EVI2A: variants seen among roughly 807,000 people sequenced by gnomAD.
EVI2A encodes ecotropic viral integration site 2A, also known as protein EVI2A.
A neutral mutation model predicts 13.0 loss-of-function variants in EVI2A; 11 were observed. The observed-to-expected ratio is 0.85, with a 90% CI of 0.53 to 1.40. The LOEUF is 1.40. Ranked by LOEUF, EVI2A falls within the 40% of genes most tolerant of loss-of-function variation. The pLI is 0.00. For missense variants in EVI2A, 267 were observed against 279.5 expected (o/e 0.96, Z 0.32); for synonymous variants, 89 against 98.0 (o/e 0.91, Z 0.54).
intron 1 of EVI2A, chr17:31,320,516 A>G (rs1235379595): frequency 1.3e-5 from 15 of 1,180,940 alleles, no homozygotes; most frequent in East Asian, 4.7e-5. Flanking sequence ...TTTGTATACT[A>G]TTAAAATACA....
chr17:31,317,401 A>ACC lies in EVI2A; in HGVS notation c.*901_*902insGG, dbSNP rs2069050754. Among the ~76,000 whole-genome samples the ACC allele has an allele frequency of 1.3e-5, 2 of 149,428 alleles. No individual in the cohort carries two copies. The highest frequency in any genetic ancestry group is 2.1e-4 in the South Asian group (1 of 4,778). Reference sequence around the variant, plus strand: ...CACACACACACACACACACACACACACACCCCTAATAAATCATTAGGCTAC... The same window carrying ACC: ...CACACACACACACACACACACACACACCCACCCCTAATAAATCATTAGGCTAC... On this transcript the variant is annotated 3_prime_UTR_variant, in exon 2 of 2. Transcript: ENST00000462804.
chr17:31,318,162 C>T lies in EVI2A; in HGVS notation c.*141G>A. 1.0e-6 allele frequency: 1 copy of T among 997,740 alleles called. No individual in the cohort carries two copies. Among genetic ancestry groups the T allele is most frequent in the Non-Finnish European group, 1.5e-6 (1 of 687,856 alleles). The allele number at this position is 997,740 out of a possible 1,614,324, so 61.8% of individuals were successfully genotyped here. On this transcript the variant is annotated 3_prime_UTR_variant, in exon 2 of 2. Coordinates refer to ENST00000462804, the MANE Select transcript of EVI2A (RefSeq NM_014210.4). ...AATAATTAAGCAGGCATACTTCTCC[C>T]TGTCTCACCTGCTTGATTCTAAATT...
chr17:31,318,150 G>T lies in EVI2A; in HGVS notation c.*153C>A. The T allele has an allele frequency of 2.4e-6, 2 of 844,122 alleles. No individual in the cohort carries two copies. Among genetic ancestry groups the T allele is most frequent in the East Asian group, 2.6e-5 (1 of 38,844 alleles). The allele number at this position is 844,122 out of a possible 1,614,324, so 52.3% of individuals were successfully genotyped here. On this transcript the variant is annotated 3_prime_UTR_variant, in exon 2 of 2. Coordinates refer to ENST00000462804, the MANE Select transcript of EVI2A (RefSeq NM_014210.4). ...GTACACAGTTTAAATAATTAAGCAG[G>T]CATACTTCTCCCTGTCTCACCTGCT... is the stretch of plus-strand genomic sequence containing the variant.
Position 31,318,734 on chromosome 17 carries a change from G to A in EVI2A, c.280C>T (p.Leu94Phe), listed in dbSNP as rs2069095648. The change falls in exon 2 of 2, where the codon CTT (leucine) becomes TTT (phenylalanine). Residue 94 changes from leucine to phenylalanine, a missense_variant. Transcript: ENST00000462804. ...VALTSKSEQE[L>F]YIPSVVSNSP... ...TTGCTGACGACAGAAGGTATATAAA[G>A]CTCCTGTTCAGATTTAGAAGTTAAA... 1 of 1,613,988 alleles carries A rather than the reference G, an allele frequency of 6.2e-7. No individual in the cohort carries two copies. The highest frequency in any genetic ancestry group is 8.5e-7 in the Non-Finnish European group (1 of 1,179,928).
chr17:31,320,552 C>T (rs2151530219), intron 1 of EVI2A: 9 of 824,140 alleles, frequency 1.1e-5, no homozygotes, highest in African/African-American at 3.4e-5. Flanking sequence ...AAATGTGATA[C>T]GTTGAGTTAT....
In EVI2A at chr17:31,316,492, A is replaced by G. The variant is rs1350647555; in HGVS notation, c.*1811T>C. Among the ~76,000 whole-genome samples the G allele has an allele frequency of 6.6e-6, 1 of 152,170 alleles. No homozygotes were observed. The highest frequency in any genetic ancestry group is 1.9e-4 in the East Asian group (1 of 5,202). ...ATGTTTGACCAGTATGTTGAATATG[A>G]AAGTAATTTCCTATTTTTATGATGA... On this transcript the variant is annotated 3_prime_UTR_variant, in exon 2 of 2. Coordinates refer to ENST00000462804, the MANE Select transcript of EVI2A (RefSeq NM_014210.4).
intron 1 of EVI2A, among the ~76,000 whole-genome samples, chr17:31,319,550 A>T (rs2069123437): frequency 6.6e-6 from 1 of 152,142 alleles, no homozygotes; most frequent in South Asian, 2.1e-4. Context: ...CTGAACTTCA[A>T]ATAGAAATTC....
At chr17:31,319,420 C>T (rs7222606) in intron 1 of EVI2A, among the ~76,000 whole-genome samples, 2 of 151,674 alleles carry the variant, frequency 1.3e-5, no homozygotes, top group African/African-American at 4.8e-5. Flanking sequence ...ACTACCCACC[C>T]TCTAACCTGT....
intron 1 of EVI2A, chr17:31,320,433 G>A: frequency 6.2e-7 from 1 of 1,610,726 alleles, no homozygotes. Flanking sequence ...AAGCAACATG[G>A]ATGCCACTGC....
chr17:31,317,368 AACACACACACACACAC>A lies in EVI2A; in HGVS notation c.*919_*934del, dbSNP rs3138611. On this transcript the variant is annotated 3_prime_UTR_variant, in exon 2 of 2. Transcript: ENST00000462804. ...TGAAGTATGCAGTTTTCCAGATTTGAACACACACACACACACACACACACACACACACACACCCCTA... is the reference window on the plus strand; with the variant it reads ...TGAAGTATGCAGTTTTCCAGATTTGAACACACACACACACACACACCCCTA... 1.4e-5 allele frequency among the ~76,000 whole-genome samples: 2 copies of A among 144,562 alleles called. No individual in the cohort carries two copies. Among genetic ancestry groups the A allele is most frequent in the African/African-American group, 5.1e-5 (2 of 39,398 alleles). 94.8% of individuals were successfully genotyped at this position (144,562 alleles called of 152,430 possible). A position where few individuals can be genotyped will look rare whatever the true frequency, so the allele number is the denominator to read the frequency against.
Position 31,318,724 on chromosome 17 carries a change from G to A in EVI2A, c.290C>T (p.Pro97Leu), listed in dbSNP as rs758117081. 4 of 1,614,044 alleles carry A rather than the reference G, an allele frequency of 2.5e-6. No homozygotes were observed. In the South Asian group the frequency reaches 4.4e-5, roughly 18 times the overall value. Reference protein sequence around the residue: ...TSKSEQELYIPSVVSNSPSTV... With the variant: ...TSKSEQELYILSVVSNSPSTV... Reference sequence around the variant, plus strand: ...TGAAGGACTGTTGCTGACGACAGAAGGTATATAAAGCTCCTGTTCAGATTT... The same window carrying A: ...TGAAGGACTGTTGCTGACGACAGAAAGTATATAAAGCTCCTGTTCAGATTT... The change falls in exon 2 of 2, where the codon CCT becomes CTT. Residue 97 changes from proline to leucine, a missense_variant. By Grantham distance (98) the Pro-to-Leu change is moderately conservative (BLOSUM62 -3). Coordinates refer to ENST00000462804, the MANE Select transcript of EVI2A (RefSeq NM_014210.4).
rs144746834 is a variant in EVI2A, at chr17:31,318,976, T to C, written c.38A>G (p.His13Arg). ...TDMEHTGHYL[H>R]LAFLMTTVFS... ...AACTGTTGTCATCAGAAAGGCAAGA[T>C]GTAGGTAATGTCCTGTGTGTTCCAT... Residue 13 changes from histidine (H) to arginine (R), a missense_variant, in exon 2 of 2, where the codon CAT becomes CGT. Coordinates refer to ENST00000462804, the MANE Select transcript of EVI2A (RefSeq NM_014210.4). 1.6e-3 allele frequency: 2,550 copies of C among 1,612,420 alleles called. 2 individuals are homozygous for C. The highest frequency in any genetic ancestry group is 2.0e-3 in the Non-Finnish European group (2,381 of 1,179,826).
In EVI2A at chr17:31,317,876, T is replaced by C. The variant is rs1247379151; in HGVS notation, c.*427A>G. 1.2e-5 allele frequency: 2 copies of C among 167,192 alleles called. No homozygotes were observed. The highest frequency in any genetic ancestry group is 4.8e-5 in the African/African-American group (2 of 41,584). The allele number at this position is 167,192 out of a possible 1,614,324, so 10.4% of individuals were successfully genotyped here. ...TACACAGTTTAGCTCTCTCTATCTA[T>C]GCATTAGGAATTTGACTTCCATTTG... is the stretch of plus-strand genomic sequence containing the variant. On this transcript the variant is annotated 3_prime_UTR_variant, in exon 2 of 2. Transcript: ENST00000462804.
At chr17:31,320,245 T>C (rs2069145697) in intron 1 of EVI2A, 1 of 680,656 alleles carries the variant, frequency 1.5e-6, no homozygotes. Context: ...AGCAAAACTA[T>C]ATTGTTCTCC....
At chr17:31,319,192 A>G (rs1202747426) in intron 1 of EVI2A, among the ~76,000 whole-genome samples, 169 bp from the exon 2 acceptor site, 4 of 152,162 alleles carry the variant, frequency 2.6e-5, no homozygotes, top group African/African-American at 9.7e-5. Context: ...CTATTCAGCT[A>G]TGTATGAAGA....
At chr17:31,321,142 T>G (rs1257092224) in intron 1 of EVI2A, 1 of 152,238 alleles carries the variant, frequency 6.6e-6, no homozygotes. Context: ...TTTTCTTATA[T>G]CTGATCATTT....
At position 31,318,877 on chromosome 17, in the gene EVI2A, A is replaced by C; in HGVS notation, c.137T>G (p.Val46Gly). The change falls in exon 2 of 2, where the codon GTT (valine) becomes GGT (glycine). Residue 46 changes from valine (V) to glycine (G), a missense_variant. Val to Gly is a moderately radical substitution (Grantham distance 109, BLOSUM62 -3). Transcript: ENST00000462804. The part of the protein sequence containing the change: ...WANSTSSWDS[V>G]IQNKTGRNQN... ...GTTTCTGCCTGTCTTGTTTTGAATA[A>C]CTGAATCCCAGGAAGAAGTACTGTT... is the stretch of plus-strand genomic sequence containing the variant. 6.2e-7 allele frequency: 1 copy of C among 1,614,090 alleles called. No individual in the cohort carries two copies. The highest frequency in any genetic ancestry group is 8.5e-7 in the Non-Finnish European group (1 of 1,179,958).
chr17:31,318,342 T>A lies in EVI2A; in HGVS notation c.672A>T (p.Glu224Asp), dbSNP rs1363789089. The change falls in exon 2 of 2, where the codon GAA becomes GAT. Residue 224 changes from glutamate (E) to aspartate (D), a missense_variant. Glu to Asp is a conservative substitution (Grantham distance 45). Transcript: ENST00000462804. ...TGTTAGTAAGTTTTTCAGTTCCTTC[T>A]TCATCTTTTCTTTCCCTTGTAGCTG... ...VLTATRERKD[E>D]EGTEKLTNKQ... The A allele has an allele frequency of 6.2e-7, 1 of 1,610,970 alleles. No homozygotes were observed. Among genetic ancestry groups the A allele is most frequent in the East Asian group, 2.2e-5 (1 of 44,878 alleles).
rs1293537649 is a variant in EVI2A, at chr17:31,318,790, G to T, written c.224C>A (p.Thr75Lys). The change falls in exon 2 of 2, where the codon ACA becomes AAA. Residue 75 changes from threonine to lysine, a missense_variant. Transcript: ENST00000462804. ...GATGTGAGATGTTTCAGGCATGTTT[G>T]TAGAATTACCTTTATAATCTACTTC... is the stretch of plus-strand genomic sequence containing the variant. ...TPEVDYKGNS[T>K]NMPETSHIVA... is the part of the protein sequence containing the mutation. 1 of 1,614,028 alleles carries T rather than the reference G, an allele frequency of 6.2e-7. No homozygotes were observed. Among genetic ancestry groups the T allele is most frequent in the East Asian group, 2.2e-5 (1 of 44,874 alleles).
Sources: gnomAD v4.1 joint callset for allele counts (sites outside exome capture counted in the v4.1 genomes callset) on GRCh38, gnomAD v4.1.1 for gene constraint, MANE v1.5 for transcripts, NCBI Gene and HGNC (gene_info 2026-07-23, HGNC 2026-07-21) for gene names.